CTSC: variants seen among roughly 807,000 people sequenced by gnomAD.
The protein encoded by CTSC is cathepsin C.
CTSC carries 37 observed loss-of-function variants against 40.9 expected under a neutral mutation model. The ratio of observed to expected loss-of-function variants is 0.91; its 90% CI spans 0.70 to 1.19. The LOEUF (loss-of-function observed/expected upper bound fraction) is 1.19. Ranked by LOEUF, CTSC falls within the 50% of genes most tolerant of loss-of-function variation. The probability of loss-of-function intolerance (pLI) is 0.00; values close to 1 mark genes in which losing one functional copy is unlikely to be tolerated. For synonymous variants in CTSC, 232 were observed against 207.4 expected (o/e 1.12, Z -1.02); for missense variants, 594 against 567.3 (o/e 1.05, Z -0.48).
chr11:88,320,485 G>A lies in CTSC; in HGVS notation c.319-7931C>T, dbSNP rs1188494916. Among the ~76,000 whole-genome samples the A allele has an allele frequency of 3.9e-5, 6 of 152,180 alleles. No homozygotes were observed. The South Asian group carries it at 1.0e-3, about 26-fold the overall frequency. ...CCTCACTATACTCAACAGAGGTGAG[G>A]CACACCATGCAGCATTTCAAAGCTT... On this transcript the variant is annotated intron_variant, in intron 2 of 6. Transcript: ENST00000227266.
chr11:88,330,608 AAAGTG>A (rs1938324791), intron 2 of CTSC, among the ~76,000 whole-genome samples: 2 of 152,084 alleles, frequency 1.3e-5, no homozygotes, highest in African/African-American at 4.8e-5. Flanking sequence ...TCGGCCTCCC[AAAGTG>A]CTGGGATTAC....
At chr11:88,325,628 C>G in intron 2 of CTSC, 9 of 984,778 alleles carry the variant, frequency 9.1e-6, no homozygotes, top group Non-Finnish European at 1.1e-5. Context: ...CTAGTTATAT[C>G]TACTTTACAG....
intron 2 of CTSC, chr11:88,326,290 A>G: frequency 6.2e-7 from 1 of 1,603,980 alleles, no homozygotes; most frequent in African/African-American, 1.3e-5. Flanking sequence ...TTGCATGCAA[A>G]TAAAGACTCC....
intron 2 of CTSC, among the ~76,000 whole-genome samples, chr11:88,326,789 T>C (rs1298251118): frequency 1.3e-5 from 2 of 152,342 alleles, no homozygotes; most frequent in East Asian, 1.9e-4. Context: ...CAAACTTTAA[T>C]TTAGGCTCAG....
Position 88,296,243 on chromosome 11 carries a change from G to A in CTSC, c.779C>T (p.Ser260Leu), listed in dbSNP as rs911983928. 6.2e-7 allele frequency: 1 copy of A among 1,613,962 alleles called. No individual in the cohort carries two copies. The highest frequency in any genetic ancestry group is 8.5e-7 in the Non-Finnish European group (1 of 1,179,920). Residue 260 changes from serine (S) to leucine (L), a missense_variant, in exon 6 of 7, where the codon TCA becomes TTA. Physicochemically the swap from Ser to Leu is moderately radical, Grantham distance 145 (BLOSUM62 -2). Transcript: ENST00000227266. ...RNQASCGSCY[S>L]FASMGMLEAR... ...TTCTAGCATACCCATAGAAGCAAAT[G>A]AGTAGCAGCTGCCACAGGATGCTGG...
At chr11:88,328,070 T>G in intron 2 of CTSC, 1 of 1,316,818 alleles carries the variant, frequency 7.6e-7, no homozygotes, top group Non-Finnish European at 1.1e-6. Flanking sequence ...TGAGGAAGCT[T>G]GCTTTTAATA....
At chr11:88,300,294 A>T (rs954311512) in intron 5 of CTSC, among the ~76,000 whole-genome samples, 4 of 152,232 alleles carry the variant, frequency 2.6e-5, no homozygotes, top group Non-Finnish European at 5.9e-5. Context: ...CTACCTGGAA[A>T]ATATATTGAG....
intron 6 of CTSC, among the ~76,000 whole-genome samples, chr11:88,294,710 G>C (rs1565249895): frequency 1.3e-5 from 2 of 152,042 alleles, no homozygotes; most frequent in African/African-American, 4.8e-5. Context: ...TATCTACTTA[G>C]CACCTAATAT....
chr11:88,303,820 T>A (rs902219606), intron 4 of CTSC, among the ~76,000 whole-genome samples: 2 of 152,100 alleles, frequency 1.3e-5, no homozygotes, highest in African/African-American at 2.4e-5. Flanking sequence ...ACACAGGACA[T>A]CTTTGGAAAT....
At chr11:88,323,818 C>T (rs184331389) in intron 2 of CTSC, 1 of 152,242 alleles carries the variant, frequency 6.6e-6, no homozygotes, top group East Asian at 1.9e-4. Context: ...GAATCAATAT[C>T]ATGAAAATGG....
intron 2 of CTSC, chr11:88,321,084 C>G: frequency 1.0e-6 from 1 of 967,354 alleles, no homozygotes; most frequent in Non-Finnish European, 1.2e-6. Context: ...CAAAATTACT[C>G]AGATAAAAGA....
At chr11:88,310,556 T>C (rs588374) in intron 3 of CTSC, among the ~76,000 whole-genome samples, 21,007 of 152,118 alleles carry the variant, frequency 0.14, 1,530 homozygotes, top group East Asian at 0.21. Context: ...AAATCATGTG[T>C]GTAGAGAGAG....
chr11:88,300,223 G>C (rs1944343605), intron 5 of CTSC, among the ~76,000 whole-genome samples: 1 of 152,152 alleles, frequency 6.6e-6, no homozygotes, highest in Admixed American at 6.5e-5. Context: ...GCTTCTACTA[G>C]AATCTTTCCT....
At chr11:88,326,392 G>C in intron 2 of CTSC, 1 of 1,614,022 alleles carries the variant, frequency 6.2e-7, no homozygotes, top group Non-Finnish European at 8.5e-7. Flanking sequence ...CCCAACGTCT[G>C]TTCATGGCTG....
At chr11:88,306,239 C>T (rs1158931550) in intron 4 of CTSC, among the ~76,000 whole-genome samples, 2 of 152,100 alleles carry the variant, frequency 1.3e-5, no homozygotes, top group African/African-American at 2.4e-5. Context: ...TTGAAAAATG[C>T]CACACCTTAG....
rs217075 is a variant in CTSC at position 88,334,836 on chromosome 11, T to A, written c.318+101A>T. 699,656 of 892,438 alleles carry A rather than the reference T, an allele frequency of 0.78. 276,252 individuals carry two copies. The highest frequency in any genetic ancestry group is 1 in the East Asian group (39,246 of 39,270). The allele number at this position is 892,438 out of a possible 1,614,324, so 55.3% of individuals were successfully genotyped here. ...GGAAGAGTGGTGTCAATTCCGGTCA[T>A]CTTCTTAATCTAAAATTAAAATTCT... On this transcript the variant is annotated intron_variant, in intron 2 of 6. Transcript: ENST00000227266.
At chr11:88,325,117 G>A in intron 2 of CTSC, 1 of 985,358 alleles carries the variant, frequency 1.0e-6, no homozygotes, top group Non-Finnish European at 1.2e-6. Flanking sequence ...CAACAGAGCA[G>A]GAAACAAGAC....
At chr11:88,312,787 C>T (rs1043904363) in intron 2 of CTSC, among the ~76,000 whole-genome samples, 1 of 152,028 alleles carries the variant, frequency 6.6e-6, no homozygotes, top group African/African-American at 2.4e-5. Context: ...GGAATGAAGG[C>T]CAAGGGAAAA....
At chr11:88,320,813 T>C (rs983966887) in intron 2 of CTSC, 1 of 894,516 alleles carries the variant, frequency 1.1e-6, no homozygotes, top group Non-Finnish European at 1.3e-6. Context: ...CCACATGATA[T>C]ATTACATAAC....
Sources: gnomAD v4.1 joint callset for allele counts (sites outside exome capture counted in the v4.1 genomes callset) on GRCh38, gnomAD v4.1.1 for gene constraint, MANE v1.5 for transcripts, NCBI Gene and HGNC (gene_info 2026-07-23, HGNC 2026-07-21) for gene names.